The following LRP1B variants were observed in gnomAD, a reference collection of about 807,000 sequenced individuals.
The protein encoded by LRP1B is low-density lipoprotein receptor-related protein 1B.
Under a neutral mutation model 556.6 loss-of-function variants are expected in LRP1B, and 217 were observed. The ratio of observed to expected loss-of-function variants is 0.39; its 90% CI spans 0.35 to 0.44. The LOEUF (loss-of-function observed/expected upper bound fraction) is 0.44. LRP1B is among the 20% of genes least tolerant of loss of function. The probability of loss-of-function intolerance (pLI) is 1.00; values close to 1 mark genes in which losing one functional copy is unlikely to be tolerated. For missense variants in LRP1B, 5,053 were observed against 5,620.8 expected (o/e 0.90, Z 3.23); for synonymous variants, 2,047 against 1,865.8 (o/e 1.10, Z -2.50).
intron 43 of LRP1B, among the ~76,000 whole-genome samples, chr2:140,545,070 G>GT (rs1680278570): frequency 6.7e-6 from 1 of 149,610 alleles, no homozygotes; most frequent in African/African-American, 2.5e-5. Flanking sequence ...TTTTTCATAT[G>GT]TTTTTTCACT....
At chr2:141,349,233 C>T (rs1419919440) in intron 3 of LRP1B, among the ~76,000 whole-genome samples, 1 of 152,002 alleles carries the variant, frequency 6.6e-6, no homozygotes, top group Non-Finnish European at 1.5e-5. Flanking sequence ...ATGGCCACAT[C>T]ATCATCTTTT....
intron 1 of LRP1B, among the ~76,000 whole-genome samples, chr2:141,933,906 C>A (rs979254253): frequency 1.3e-5 from 2 of 151,836 alleles, no homozygotes; most frequent in East Asian, 1.9e-4. Context: ...AAATAATCAG[C>A]CAATCAGTGA....
chr2:140,628,249 G>A (rs1683740633), intron 41 of LRP1B, among the ~76,000 whole-genome samples: 1 of 152,096 alleles, frequency 6.6e-6, no homozygotes. Context: ...ATGTCTATCT[G>A]GCTGGGCGCA....
At chr2:140,950,604 C>G (rs1383043812) in intron 19 of LRP1B, among the ~76,000 whole-genome samples, 2 of 152,060 alleles carry the variant, frequency 1.3e-5, no homozygotes, top group Non-Finnish European at 2.9e-5. Context: ...CCCACTCCAG[C>G]CTCCCAAGTA....
At chr2:141,154,359 TTCTTA>T (rs1244471951) in intron 7 of LRP1B, among the ~76,000 whole-genome samples, 1 of 142,596 alleles carries the variant, frequency 7.0e-6, no homozygotes, top group African/African-American at 2.5e-5. Flanking sequence ...AAATCCCTTA[TTCTTA>T]TTTTATTCAT....
At chr2:140,545,209 G>A (rs1680285896) in intron 43 of LRP1B, among the ~76,000 whole-genome samples, 1 of 147,030 alleles carries the variant, frequency 6.8e-6, no homozygotes, top group African/African-American at 2.5e-5. Flanking sequence ...CTCATAGTTT[G>A]CAAAATTTTT....
chr2:141,733,042 A>G lies in LRP1B; in HGVS notation c.205+77237T>C, dbSNP rs191023220. ...CAAAGCTGTGCCTAATGTGAGGATC[A>G]ATGGTGGGGTTCTAGCCAAGGGCTT... is the stretch of plus-strand genomic sequence containing the variant. On this transcript the variant is annotated intron_variant, in intron 2 of 90. Transcript: ENST00000389484. 1.6e-3 allele frequency among the ~76,000 whole-genome samples: 236 copies of G among 152,214 alleles called. 2 individuals are homozygous for G. The highest frequency in any genetic ancestry group is 5.4e-3 in the African/African-American group (224 of 41,550).
At chr2:140,349,463 T>TAAAC (rs1681859963) in intron 77 of LRP1B, among the ~76,000 whole-genome samples, 1 of 151,880 alleles carries the variant, frequency 6.6e-6, no homozygotes, top group South Asian at 2.1e-4. Context: ...CCTAGAAAGT[T>TAAAC]AAACATTAGT....
chr2:141,228,995 G>T (rs958221345), intron 6 of LRP1B, among the ~76,000 whole-genome samples, 188 bp downstream of exon 6: 4 of 152,122 alleles, frequency 2.6e-5, no homozygotes, highest in Admixed American at 2.6e-4. Flanking sequence ...TATTTAAATA[G>T]AGAAAGTTTA....
intron 11 of LRP1B, among the ~76,000 whole-genome samples, chr2:141,048,272 C>A (rs1390107334): frequency 6.6e-6 from 1 of 151,986 alleles, no homozygotes; most frequent in African/African-American, 2.4e-5. Context: ...TGACTGGCAG[C>A]CAGTGAAGAT....
At chr2:140,839,934 G>T in intron 31 of LRP1B, 57 bp downstream of exon 31, 1 of 1,017,292 alleles carries the variant, frequency 9.8e-7, no homozygotes, top group Non-Finnish European at 1.5e-6. Flanking sequence ...AAGGTATATT[G>T]TACAAGTACA....
In LRP1B at chr2:141,049,096, G is replaced by A. The variant is rs1440939447; in HGVS notation, c.1679C>T (p.Ala560Val). The A allele has an allele frequency of 6.2e-7, 1 of 1,613,552 alleles. No homozygotes were observed. The highest frequency in any genetic ancestry group is 8.5e-7 in the Non-Finnish European group (1 of 1,179,660). Residue 560 changes from alanine (A) to valine (V), a missense_variant, in exon 11 of 91, where the codon GCT becomes GTT. Ala to Val is a moderately conservative substitution (Grantham distance 64). Transcript: ENST00000389484. ...ATTGGTTTCTGCGTGAAAGTCTAAA[G>A]CACGAGGGTTTACCAGATTTTCTAT... The part of the protein sequence containing the change: ...IPIENLVNPR[A>V]LDFHAETNYI...
chr2:140,516,490 C>T (rs371141028), intron 50 of LRP1B, among the ~76,000 whole-genome samples: 1 of 151,948 alleles, frequency 6.6e-6, no homozygotes, highest in African/African-American at 2.4e-5. Flanking sequence ...TAGACCCAAT[C>T]CCCCATGCAG....
At chr2:141,860,644 T>C (rs1437913275) in intron 1 of LRP1B, among the ~76,000 whole-genome samples, 12 of 152,122 alleles carry the variant, frequency 7.9e-5, no homozygotes, top group Admixed American at 3.9e-4. Context: ...TCATGAATAT[T>C]AAATGTTGAA....
chr2:141,978,739 AC>A (rs1264529136), intron 1 of LRP1B, among the ~76,000 whole-genome samples: 5 of 152,010 alleles, frequency 3.3e-5, no homozygotes, highest in South Asian at 4.1e-4. Flanking sequence ...GATTAAAAAA[AC>A]ATCATCATTT....
intron 2 of LRP1B, among the ~76,000 whole-genome samples, chr2:141,503,571 A>T (rs949332055): frequency 6.6e-6 from 1 of 152,098 alleles, no homozygotes; most frequent in Non-Finnish European, 1.5e-5. Flanking sequence ...TACTGGCTGT[A>T]TTCATAATTA....
chr2:141,656,275 A>C (rs373950198), intron 2 of LRP1B, among the ~76,000 whole-genome samples: 24 of 152,136 alleles, frequency 1.6e-4, no homozygotes, highest in African/African-American at 5.5e-4. Context: ...ATCTTTCCTA[A>C]AACTATCATA....
At position 141,807,251 on chromosome 2, in the gene LRP1B, A is replaced by G. The variant is rs575551181; in HGVS notation, c.205+3028T>C. Among the ~76,000 whole-genome samples, 6 of 141,040 alleles carry G rather than the reference A, an allele frequency of 4.3e-5. No homozygotes were observed. The South Asian group carries it at 1.4e-3, about 33-fold the overall frequency. 92.5% of individuals were successfully genotyped at this position (141,040 alleles called of 152,430 possible). Reference sequence around the variant, plus strand: ...ATTGAGAAATTTAAATTTGGCAAAGACTGATATTTTCATAACGCTTTTTTT... The same window carrying G: ...ATTGAGAAATTTAAATTTGGCAAAGGCTGATATTTTCATAACGCTTTTTTT... On this transcript the variant is annotated intron_variant, in intron 2 of 90. Transcript: ENST00000389484.
rs2105222384 is a variant in LRP1B at position 140,902,914 on chromosome 2, A to T, written c.3766+6T>A. ...ATATAGCAACACACACAAAATAGTT[A>T]CTTACCAACACTTGTACAACTTTCA... is the stretch of plus-strand genomic sequence containing the variant. On this transcript the variant is annotated splice_donor_region_variant and intron_variant, in intron 23 of 90. Coordinates refer to ENST00000389484, the MANE Select transcript of LRP1B (RefSeq NM_018557.3). The T allele has an allele frequency of 6.2e-7, 1 of 1,611,572 alleles. No homozygotes were observed. Among genetic ancestry groups the T allele is most frequent in the Non-Finnish European group, 8.5e-7 (1 of 1,178,058 alleles).
Sources: allele counts gnomAD v4.1 joint callset (sites outside exome capture counted in the v4.1 genomes callset), GRCh38; gene constraint gnomAD v4.1.1; transcripts MANE v1.5; gene names NCBI Gene and HGNC (gene_info 2026-07-23, HGNC 2026-07-21).